The following JAKMIP1 variants were observed in gnomAD, a reference collection of about 807,000 sequenced individuals.
JAKMIP1 encodes the protein janus kinase and microtubule interacting protein 1, also known as janus kinase and microtubule-interacting protein 1.
In JAKMIP1, 33 loss-of-function variants were observed where a neutral mutation model predicts 113.0. The ratio of observed to expected loss-of-function variants is 0.29; its 90% confidence interval spans 0.22 to 0.39. JAKMIP1 has a LOEUF of 0.39. Among genes scored for constraint, JAKMIP1 ranks in the 10% least tolerant of loss-of-function variants. The pLI is 1.00. For synonymous variants in JAKMIP1, 480 were observed against 459.9 expected, an observed-to-expected ratio of 1.04 and a Z score of -0.56; for missense variants, 813 against 1,080.5, an observed-to-expected ratio of 0.75 and a Z score of 3.47.
At chr4:6,125,913 TACACACCATGCAGAAACACAC>T in intron 1 of JAKMIP1, among the ~76,000 whole-genome samples, 1 of 80,500 alleles carries the variant, frequency 1.2e-5, no homozygotes, top group Non-Finnish European at 2.3e-5. Flanking sequence ...ACACACACCA[TACACACCATGCAGAAACACAC>T]ACACACCATA....
intron 1 of JAKMIP1, among the ~76,000 whole-genome samples, chr4:6,198,501 G>A (rs1023127923): frequency 1.3e-5 from 2 of 152,164 alleles, no homozygotes; most frequent in East Asian, 3.9e-4. Context: ...TTGTGAAGGA[G>A]GAAAATGCCA....
intron 10 of JAKMIP1, 76 bp downstream of exon 10, chr4:6,062,236 T>C: frequency 6.6e-7 from 1 of 1,512,246 alleles, no homozygotes; most frequent in Non-Finnish European, 9.2e-7. Flanking sequence ...AGCCAGGGTA[T>C]GTCACACTTC....
rs11724999 is a variant in JAKMIP1, at chr4:6,038,812, G to A, written c.2175+1827C>T. Among the ~76,000 whole-genome samples, 1,123 of 152,296 alleles carry A rather than the reference G, an allele frequency of 7.4e-3. 6 individuals are homozygous for A. Among genetic ancestry groups the A allele is most frequent in the Non-Finnish European group, 0.011 (720 of 68,020 alleles). On this transcript the variant is annotated intron_variant, in intron 18 of 20. Coordinates refer to ENST00000409021, the MANE Select transcript of JAKMIP1 (RefSeq NM_001099433.2). ...TGCAGGCTCACCCCTTCTCTACTCA[G>A]CAGCCGAGCTCCCAGGAGACCCCTG... is the stretch of plus-strand genomic sequence containing the variant.
rs202146393 is a variant in JAKMIP1 at position 6,105,611 on chromosome 4, G to T, written c.486C>A (p.Arg162=). 2.4e-5 allele frequency: 38 copies of T among 1,595,546 alleles called. No homozygotes were observed. The Admixed American group carries it at 5.3e-4, about 22-fold the overall frequency. The part of the protein sequence containing the change: ...QQEILELKAA[R]KQAEEALSNC... The stretch of plus-strand genomic sequence containing the variant: ...TACTGAGCGCCTCCTCTGCCTGCTT[G>T]CGCGCTGCCTTGAGCTCCAGGATCT... Residue 162 remains arginine (R), a synonymous_variant, in exon 3 of 21, where the codon CGC becomes CGA. Coordinates refer to ENST00000409021, the MANE Select transcript of JAKMIP1 (RefSeq NM_001099433.2).
rs555176563 is a variant in JAKMIP1, at chr4:6,097,780, A to G, written c.624+7693T>C. Among the ~76,000 whole-genome samples the G allele has an allele frequency of 6.6e-6, 1 of 152,332 alleles. No homozygotes were observed. The highest frequency in any genetic ancestry group is 2.1e-4 in the South Asian group (1 of 4,824). ...GGTGTGAGTCAACCATTCCATGGGAAAAGCCAGGCCCACGCTTCCTTAGGC... is the reference window on the plus strand; with the variant it reads ...GGTGTGAGTCAACCATTCCATGGGAGAAGCCAGGCCCACGCTTCCTTAGGC... On this transcript the variant is annotated intron_variant, in intron 3 of 20. Coordinates refer to ENST00000409021, the MANE Select transcript of JAKMIP1 (RefSeq NM_001099433.2). The surrounding 1 kb of genome is among the most constrained non-coding windows in gnomAD (Gnocchi z 4.3).
intron 1 of JAKMIP1, among the ~76,000 whole-genome samples, chr4:6,130,891 C>T (rs374731653): frequency 2.0e-5 from 3 of 152,060 alleles, no homozygotes; most frequent in Non-Finnish European, 4.4e-5. Context: ...TATCCCAGGA[C>T]AGTCAGGCGC....
At position 6,183,846 on chromosome 4, in the gene JAKMIP1, C is replaced by G. The variant is rs955874316; in HGVS notation, c.-148+16407G>C. ...TCCAGTGAAATGCACTCTGAGAATG[C>G]AAGACAAGTCACTCCCAAAAACGGA... On this transcript the variant is annotated intron_variant, in intron 1 of 20. Transcript: ENST00000409021. This position sits in a 1 kb window ranked among gnomAD's most constrained non-coding sequence, Gnocchi z 5.3. Among the ~76,000 whole-genome samples the G allele has an allele frequency of 6.6e-6, 1 of 152,162 alleles. No individual in the cohort carries two copies. The highest frequency in any genetic ancestry group is 1.5e-5 in the Non-Finnish European group (1 of 68,034).
chr4:6,028,658 G>A (rs575745002), intron 20 of JAKMIP1, among the ~76,000 whole-genome samples: 3 of 152,222 alleles, frequency 2.0e-5, no homozygotes, highest in South Asian at 2.1e-4. Context: ...TCACAAGACC[G>A]GCCTCAGACA....
intron 1 of JAKMIP1, among the ~76,000 whole-genome samples, chr4:6,117,411 A>AG (rs968897249): frequency 4.1e-4 from 62 of 152,216 alleles, no homozygotes; most frequent in African/African-American, 1.4e-3. Flanking sequence ...CAAAAAGGGG[A>AG]GGGGGTATAC....
At chr4:6,190,130 C>T (rs550328081) in intron 1 of JAKMIP1, among the ~76,000 whole-genome samples, 2 of 152,232 alleles carry the variant, frequency 1.3e-5, no homozygotes, top group East Asian at 3.9e-4. Context: ...GAAGTGGCAC[C>T]CGAGGAGCAG....
intron 18 of JAKMIP1, among the ~76,000 whole-genome samples, 166 bp from the exon 19 acceptor site, chr4:6,036,273 T>A (rs947071918): frequency 3.3e-5 from 5 of 152,228 alleles, no homozygotes; most frequent in African/African-American, 1.2e-4. Flanking sequence ...GGGAGCAGGC[T>A]GTGAGGGAGC....
chr4:6,072,480 C>T (rs1032808608), intron 8 of JAKMIP1, among the ~76,000 whole-genome samples: 5 of 152,176 alleles, frequency 3.3e-5, no homozygotes, highest in African/African-American at 1.2e-4. Context: ...GGAGGAGGGA[C>T]CAGGTGACAG....
At chr4:6,034,239 T>C (rs945052850) in intron 19 of JAKMIP1, among the ~76,000 whole-genome samples, 2 of 108,754 alleles carry the variant, frequency 1.8e-5, no homozygotes, top group African/African-American at 1.2e-4. Context: ...CATGCCCCAG[T>C]GAGACAGGCA....
intron 1 of JAKMIP1, among the ~76,000 whole-genome samples, chr4:6,145,621 G>A (rs1203730408): frequency 6.6e-6 from 1 of 152,198 alleles, no homozygotes; most frequent in African/African-American, 2.4e-5. Context: ...TAGCCAAGAG[G>A]TGGAAACAAC....
rs1039253198 is a variant in JAKMIP1 at position 6,178,236 on chromosome 4, G to A, written c.-148+22017C>T. 1.3e-5 allele frequency among the ~76,000 whole-genome samples: 2 copies of A among 152,224 alleles called. No individual in the cohort carries two copies. The highest frequency in any genetic ancestry group is 6.5e-5 in the Admixed American group (1 of 15,284). ...GTATCTCATTTTTGAATTGAGAGAC[G>A]TGGCTACCTTTCAGGTAAGCAGCTT... On this transcript the variant is annotated intron_variant, in intron 1 of 20. Coordinates refer to ENST00000409021, the MANE Select transcript of JAKMIP1 (RefSeq NM_001099433.2). The surrounding 1 kb of genome is among the most constrained non-coding windows in gnomAD (Gnocchi z 5.5).
intron 1 of JAKMIP1, among the ~76,000 whole-genome samples, chr4:6,152,728 G>A (rs955354673): frequency 2.7e-5 from 4 of 150,888 alleles, no homozygotes; most frequent in Non-Finnish European, 4.4e-5. Context: ...GATCACCTGA[G>A]GTCAGGAGTT....
chr4:6,196,225 G>A (rs1727819795), intron 1 of JAKMIP1, among the ~76,000 whole-genome samples: 2 of 152,134 alleles, frequency 1.3e-5, no homozygotes, highest in Admixed American at 6.5e-5. Context: ...CAAAAACCGT[G>A]ATTATTTTTG....
Position 6,040,822 on chromosome 4 carries a change from C to G in JAKMIP1, c.2098-106G>C, listed in dbSNP as rs777580795. The G allele has an allele frequency of 2.7e-5, 22 of 828,574 alleles. No individual in the cohort carries two copies. The highest frequency in any genetic ancestry group is 4.0e-5 in the Non-Finnish European group (20 of 497,372). 51.3% of individuals were successfully genotyped at this position (828,574 alleles called of 1,614,324 possible). On this transcript the variant is annotated intron_variant, in intron 17 of 20. Transcript: ENST00000409021. The surrounding 1 kb of genome is among the most constrained non-coding windows in gnomAD (Gnocchi z 5.8). ...TGGCAGTCTCACCGAATTGGGGGCA[C>G]TCAGATGAGAAGGGACTTGGTGGTC...
In JAKMIP1 at chr4:6,153,904, C is replaced by A. The variant is rs568810077; in HGVS notation, c.-147-40907G>T. Among the ~76,000 whole-genome samples the A allele has an allele frequency of 6.6e-6, 1 of 152,310 alleles. No individual in the cohort carries two copies. The highest frequency in any genetic ancestry group is 2.1e-4 in the South Asian group (1 of 4,818). On this transcript the variant is annotated intron_variant, in intron 1 of 20. Transcript: ENST00000409021. The surrounding 1 kb of genome is among the most constrained non-coding windows in gnomAD (Gnocchi z 4.9). Reference sequence around the variant, plus strand: ...TGGTGAGCACTCTCACTGAGAAATGCGGAACCAGCTACCCGCTCCCTGAGG... The same window carrying A: ...TGGTGAGCACTCTCACTGAGAAATGAGGAACCAGCTACCCGCTCCCTGAGG...
Sources: gnomAD v4.1 joint callset for allele counts (sites outside exome capture counted in the v4.1 genomes callset) on GRCh38, gnomAD v4.1.1 for gene constraint, Gnocchi (gnomAD v3.1) non-coding constraint, MANE v1.5 for transcripts, NCBI Gene and HGNC (gene_info 2026-07-23, HGNC 2026-07-21) for gene names.